The following PTPRD variants were observed in gnomAD, a reference collection of about 807,000 sequenced individuals.
PTPRD encodes receptor-type tyrosine-protein phosphatase delta.
A neutral mutation model predicts 214.5 loss-of-function variants in PTPRD; 34 were observed. The observed-to-expected ratio is 0.16, with a 90% confidence interval of 0.12 to 0.21. The LOEUF (loss-of-function observed/expected upper bound fraction) is 0.21. Among genes scored for constraint, PTPRD ranks in the 10% least tolerant of loss-of-function variants. PTPRD has a pLI of 1.00. For synonymous variants in PTPRD, 1,128 were observed against 845.7 expected (o/e 1.33, Z -5.79); for missense variants, 2,545 against 2,398.7 (o/e 1.06, Z -1.27).
At chr9:8,479,660 TC>T (rs2096839362) in intron 30 of PTPRD, among the ~76,000 whole-genome samples, 1 of 152,242 alleles carries the variant, frequency 6.6e-6, no homozygotes, top group African/African-American at 2.4e-5. Context: ...AGTGCCAATT[TC>T]CAATAATAGC....
Position 8,317,771 on chromosome 9 carries a change from G to C in PTPRD, c.*103C>G, listed in dbSNP as rs1455462899. The C allele has an allele frequency of 1.0e-6, 1 of 962,580 alleles. No individual in the cohort carries two copies. Among genetic ancestry groups the C allele is most frequent in the East Asian group, 2.4e-5 (1 of 41,314 alleles). The allele number at this position is 962,580 out of a possible 1,614,324, so 59.6% of individuals were successfully genotyped here. The stretch of plus-strand genomic sequence containing the variant: ...TAATAGTCCCACTAAGTAGTTGTTA[G>C]CTAGAAGTTAAGAAGGACTTCTCAA... On this transcript the variant is annotated 3_prime_UTR_variant, in exon 46 of 46. Coordinates refer to ENST00000381196, the MANE Select transcript of PTPRD (RefSeq NM_002839.4).
At chr9:9,869,947 G>A (rs529422820) in intron 5 of PTPRD, among the ~76,000 whole-genome samples, 1 of 152,042 alleles carries the variant, frequency 6.6e-6, no homozygotes, top group South Asian at 2.1e-4. Flanking sequence ...ATTTTGTAAA[G>A]TTTGTCCATA....
intron 9 of PTPRD, among the ~76,000 whole-genome samples, chr9:9,264,395 T>C (rs1938040343): frequency 6.6e-6 from 1 of 151,400 alleles, no homozygotes; most frequent in Non-Finnish European, 1.5e-5. Flanking sequence ...AAGTAAAAAA[T>C]GCAATAGAGA....
Position 8,321,525 on chromosome 9 carries a change from AT to A in PTPRD, c.5535-1560del, listed in dbSNP as rs1157263270. 7.3e-3 allele frequency among the ~76,000 whole-genome samples: 929 copies of A among 127,514 alleles called. 14 individuals carry two copies. The highest frequency in any genetic ancestry group is 0.014 in the Middle Eastern group (3 of 218). The allele number at this position is 127,514 out of a possible 152,430, so 83.7% of individuals were successfully genotyped here. On this transcript the variant is annotated intron_variant, in intron 44 of 45. Transcript: ENST00000381196. Reference sequence around the variant, plus strand: ...TATATATATATATATATATATATATATAAAAGGTATATGCATCGCAATTCCT... The same window carrying A: ...TATATATATATATATATATATATATAAAAAGGTATATGCATCGCAATTCCT...
chr9:9,443,695 A>T (rs531132246), intron 8 of PTPRD, among the ~76,000 whole-genome samples: 72 of 152,252 alleles, frequency 4.7e-4, no homozygotes, highest in African/African-American at 1.6e-3. Flanking sequence ...AAGGTACCAG[A>T]CACATCGCTG....
chr9:8,461,005 T>C (rs1452517122), intron 32 of PTPRD, among the ~76,000 whole-genome samples: 2 of 152,044 alleles, frequency 1.3e-5, no homozygotes, highest in Non-Finnish European at 2.9e-5. Flanking sequence ...ATCATACAGT[T>C]AAGGAGACCA....
chr9:9,984,085 T>A (rs115503860), intron 4 of PTPRD, among the ~76,000 whole-genome samples: 2 of 152,108 alleles, frequency 1.3e-5, no homozygotes, highest in Non-Finnish European at 2.9e-5. Flanking sequence ...ATACTGTTTT[T>A]TCTCATTTTA....
At chr9:9,697,088 T>C (rs898792558) in intron 7 of PTPRD, among the ~76,000 whole-genome samples, 2 of 152,126 alleles carry the variant, frequency 1.3e-5, no homozygotes, top group Non-Finnish European at 2.9e-5. Flanking sequence ...TTTAACTTCA[T>C]ATCCATTTAG....
At chr9:8,760,613 T>A (rs537177476) in intron 11 of PTPRD, among the ~76,000 whole-genome samples, 8 of 151,534 alleles carry the variant, frequency 5.3e-5, no homozygotes, top group Admixed American at 3.3e-4. Flanking sequence ...TGTGTGTGTG[T>A]GTGTGTGTGT....
intron 12 of PTPRD, among the ~76,000 whole-genome samples, chr9:8,663,274 G>C (rs1280450516): frequency 1.4e-5 from 2 of 145,658 alleles, no homozygotes; most frequent in East Asian, 4.0e-4. Flanking sequence ...CTAGTATTGA[G>C]ATAATTGGCT....
chr9:9,837,934 A>G (rs1458183202), intron 5 of PTPRD, among the ~76,000 whole-genome samples: 1 of 152,020 alleles, frequency 6.6e-6, no homozygotes, highest in African/African-American at 2.4e-5. Flanking sequence ...CAACCCCACA[A>G]CAGTCCCCAG....
In PTPRD at chr9:8,531,063, T is replaced by A. The variant is rs570865106; in HGVS notation, c.353-2284A>T. Among the ~76,000 whole-genome samples, 7 of 152,176 alleles carry A rather than the reference T, an allele frequency of 4.6e-5. No individual in the cohort carries two copies. The South Asian group carries it at 1.4e-3, about 32-fold the overall frequency. ...CACTTATAAAAATAATTAACTGCAATGAGCTGAACTTCACTTAAGTTGAAA... is the reference window on the plus strand; with the variant it reads ...CACTTATAAAAATAATTAACTGCAAAGAGCTGAACTTCACTTAAGTTGAAA... On this transcript the variant is annotated intron_variant, in intron 14 of 45. Transcript: ENST00000381196.
At chr9:8,634,194 T>A (rs1415406029) in intron 13 of PTPRD, among the ~76,000 whole-genome samples, 1 of 151,708 alleles carries the variant, frequency 6.6e-6, no homozygotes. Context: ...AACAGTTTAG[T>A]GACACTGATA....
At chr9:10,142,164 A>G (rs2098990407) in intron 3 of PTPRD, among the ~76,000 whole-genome samples, 2 of 152,124 alleles carry the variant, frequency 1.3e-5, no homozygotes, top group Admixed American at 6.5e-5. Flanking sequence ...CTAAAACCAT[A>G]AAAACCCTAG....
At chr9:10,251,774 A>G (rs1388144391) in intron 3 of PTPRD, among the ~76,000 whole-genome samples, 1 of 152,148 alleles carries the variant, frequency 6.6e-6, no homozygotes, top group Non-Finnish European at 1.5e-5. Flanking sequence ...CAACTTCTCC[A>G]TAATATGATC....
intron 5 of PTPRD, among the ~76,000 whole-genome samples, chr9:9,810,272 T>TAA (rs1781931704): frequency 6.6e-6 from 1 of 152,170 alleles, no homozygotes; most frequent in African/African-American, 2.4e-5. Context: ...ACTGCTTGTG[T>TAA]TATTGATAAG....
intron 11 of PTPRD, among the ~76,000 whole-genome samples, chr9:9,016,278 A>G (rs2154366005): frequency 6.6e-6 from 1 of 152,294 alleles, no homozygotes; most frequent in South Asian, 2.1e-4. Flanking sequence ...AGTTGCACTA[A>G]AAATACTACA....
intron 3 of PTPRD, among the ~76,000 whole-genome samples, chr9:10,082,991 G>A (rs1049402294): frequency 1.4e-4 from 21 of 151,872 alleles, no homozygotes; most frequent in African/African-American, 4.4e-4. Context: ...AGACTCAAAA[G>A]TCAACATTAA....
intron 2 of PTPRD, among the ~76,000 whole-genome samples, chr9:10,492,739 T>C (rs1305250110): frequency 2.6e-5 from 4 of 152,186 alleles, no homozygotes; most frequent in African/African-American, 7.2e-5. Context: ...TTGTCAATTT[T>C]GGCTTTTGTT....
Sources: allele counts gnomAD v4.1 joint callset (sites outside exome capture counted in the v4.1 genomes callset), GRCh38; gene constraint gnomAD v4.1.1; transcripts MANE v1.5; gene names NCBI Gene and HGNC (gene_info 2026-07-23, HGNC 2026-07-21).